PCDHGB3: variants seen among roughly 807,000 people sequenced by gnomAD.
PCDHGB3 encodes protocadherin gamma-B3.
A neutral mutation model predicts 59.2 loss-of-function variants in PCDHGB3; 40 were observed. The ratio of observed to expected loss-of-function variants is 0.68; its 90% CI spans 0.52 to 0.88. PCDHGB3 has a LOEUF of 0.88. PCDHGB3 is among the 40% of genes least tolerant of loss of function. The pLI, the probability that PCDHGB3 is intolerant of heterozygous loss-of-function variation, is 0.00. For missense variants in PCDHGB3, 1,309 were observed against 1,187.9 expected (o/e 1.10, Z -1.50); for synonymous variants, 581 against 503.6 (o/e 1.15, Z -2.06).
chr5:141,431,216 C>A lies in PCDHGB3; in HGVS notation c.2415+58407C>A. On this transcript the variant is annotated intron_variant, in intron 1 of 3. Coordinates refer to ENST00000576222, the MANE Select transcript of PCDHGB3 (RefSeq NM_018924.5). The surrounding 1 kb of genome is among the most constrained non-coding windows in gnomAD (Gnocchi z 4.8). ...AAATGCAGCCACTGAGATGCGGTTC[C>A]CTCTACCCCACGCCTGGGATCCGGA... The A allele has an allele frequency of 6.2e-7, 1 of 1,614,162 alleles. No homozygotes were observed. The highest frequency in any genetic ancestry group is 8.5e-7 in the Non-Finnish European group (1 of 1,180,048).
At chr5:141,417,555 TAGAGA>T (rs926975589) in intron 1 of PCDHGB3, 38 of 335,630 alleles carry the variant, frequency 1.1e-4, no homozygotes, top group Non-Finnish European at 1.5e-4. Context: ...TTGAAAGAGG[TAGAGA>T]AAAGTCAAGT....
chr5:141,384,450 G>T (rs756281053), intron 1 of PCDHGB3: 1 of 1,614,042 alleles, frequency 6.2e-7, no homozygotes, highest in South Asian at 1.1e-5. Context: ...TGTACGCGCT[G>T]CAATCCTTTG....
At chr5:141,409,351 G>A (rs756967611) in intron 1 of PCDHGB3, 7 of 1,613,982 alleles carry the variant, frequency 4.3e-6, no homozygotes, top group Non-Finnish European at 5.9e-6. Flanking sequence ...GAGAAGTCAG[G>A]TGTAATATAG....
chr5:141,371,007 C>A lies in PCDHGB3; in HGVS notation c.613C>A (p.Gln205Lys). Residue 205 changes from glutamine (Q) to lysine (K), a missense_variant, in exon 1 of 4, where the codon CAG becomes AAG. By Grantham distance (53) the Gln-to-Lys change is moderately conservative (BLOSUM62 1). Coordinates refer to ENST00000576222, the MANE Select transcript of PCDHGB3 (RefSeq NM_018924.5). ...VLKAPLDREE[Q>K]PHHHLVLTAV... is the part of the protein sequence containing the mutation. Reference sequence around the variant, plus strand: ...GAAAGCACCCCTGGACAGGGAAGAGCAGCCACATCACCACCTGGTCCTCAC... The same window carrying A: ...GAAAGCACCCCTGGACAGGGAAGAGAAGCCACATCACCACCTGGTCCTCAC... 6.2e-7 allele frequency: 1 copy of A among 1,613,962 alleles called. No homozygotes were observed. The highest frequency in any genetic ancestry group is 1.1e-5 in the South Asian group (1 of 91,084).
chr5:141,463,653 G>A (rs1378583183), intron 1 of PCDHGB3, among the ~76,000 whole-genome samples: 2 of 151,764 alleles, frequency 1.3e-5, no homozygotes, highest in Admixed American at 6.6e-5. Context: ...GGGTTTCACC[G>A]TGTTAGCCAG....
intron 1 of PCDHGB3, among the ~76,000 whole-genome samples, chr5:141,478,999 A>C (rs1220971456): frequency 2.0e-5 from 3 of 152,194 alleles, no homozygotes. Context: ...ATTAAAACTA[A>C]TAGCTTTTTG....
intron 1 of PCDHGB3, among the ~76,000 whole-genome samples, chr5:141,433,397 A>ATCTATCTG (rs1554126017): frequency 5.3e-5 from 8 of 150,410 alleles, no homozygotes; most frequent in Non-Finnish European, 1.2e-4. Context: ...CTATCTATCT[A>ATCTATCTG]TCTATCTATT....
chr5:141,375,966 C>T lies in PCDHGB3; in HGVS notation c.2415+3157C>T, dbSNP rs373365863. ...GGCCTGCACACGGGCGAGGTGCGCACGGCGCGCGCCCTGCTGGACAGAGAC... is the reference window on the plus strand; with the variant it reads ...GGCCTGCACACGGGCGAGGTGCGCATGGCGCGCGCCCTGCTGGACAGAGAC... On this transcript the variant is annotated intron_variant, in intron 1 of 3. Transcript: ENST00000576222. 30 of 1,613,374 alleles carry T rather than the reference C, an allele frequency of 1.9e-5. No individual in the cohort carries two copies. The Admixed American group carries it at 2.3e-4, about 13-fold the overall frequency.
At position 141,409,157 on chromosome 5, in the gene PCDHGB3, G is replaced by C. The variant is rs774813801; in HGVS notation, c.2415+36348G>C. 4 of 1,614,054 alleles carry C rather than the reference G, an allele frequency of 2.5e-6. No homozygotes were observed. In the South Asian group the frequency reaches 4.4e-5, roughly 18 times the overall value. ...AGATGTAGAAAGGTACACCATGGAA[G>C]TGGAAGCGAAGGACGGAGGTGGTCT... On this transcript the variant is annotated intron_variant, in intron 1 of 3. Coordinates refer to ENST00000576222, the MANE Select transcript of PCDHGB3 (RefSeq NM_018924.5).
At chr5:141,508,983 C>T (rs532410967) in intron 3 of PCDHGB3, among the ~76,000 whole-genome samples, 44 of 152,148 alleles carry the variant, frequency 2.9e-4, no homozygotes, top group Non-Finnish European at 4.4e-4. Flanking sequence ...GGGGTGGGGG[C>T]CAGCTGGGGT....
At chr5:141,453,101 TTTTTGTTTTG>T (rs879618609) in intron 1 of PCDHGB3, among the ~76,000 whole-genome samples, 16 of 152,130 alleles carry the variant, frequency 1.1e-4, no homozygotes, top group Middle Eastern at 3.4e-3. Flanking sequence ...TTCTGTTGCT[TTTTTGTTTTG>T]TTTTGTTTTG....
intron 1 of PCDHGB3, among the ~76,000 whole-genome samples, chr5:141,444,357 G>C (rs1258703336): frequency 3.3e-5 from 5 of 151,798 alleles, no homozygotes; most frequent in African/African-American, 9.7e-5. Flanking sequence ...TTTTAGTAGA[G>C]ACGGGGTTTC....
chr5:141,384,754 G>A, intron 1 of PCDHGB3: 1 of 1,614,042 alleles, frequency 6.2e-7, no homozygotes, highest in Non-Finnish European at 8.5e-7. Flanking sequence ...ACTCTTTGCG[G>A]TTGGGCTGTA....
intron 1 of PCDHGB3, among the ~76,000 whole-genome samples, chr5:141,464,436 TTTG>T (rs1043492514): frequency 1.1e-4 from 17 of 151,396 alleles, no homozygotes; most frequent in Non-Finnish European, 1.9e-4. Flanking sequence ...GATATATATG[TTTG>T]TTGTTGTTGT....
intron 1 of PCDHGB3, chr5:141,393,111 C>T (rs762190466): frequency 1.2e-6 from 2 of 1,613,380 alleles, no homozygotes; most frequent in African/African-American, 2.7e-5. Context: ...CGCTCAGAGC[C>T]CGCGGTGTCT....
chr5:141,395,813 A>G (rs1201631661), intron 1 of PCDHGB3: 2 of 152,062 alleles, frequency 1.3e-5, no homozygotes, highest in East Asian at 3.9e-4. Context: ...CAAAACATGA[A>G]CAAACTTTAA....
Position 141,492,511 on chromosome 5 carries a change from C to T in PCDHGB3, c.2416-2296C>T, listed in dbSNP as rs58889912. Among the ~76,000 whole-genome samples the T allele has an allele frequency of 1.7e-3, 262 of 152,326 alleles. 2 individuals are homozygous for T. The highest frequency in any genetic ancestry group is 6.0e-3 in the African/African-American group (249 of 41,582). On this transcript the variant is annotated intron_variant, in intron 1 of 3. Coordinates refer to ENST00000576222, the MANE Select transcript of PCDHGB3 (RefSeq NM_018924.5). Reference sequence around the variant, plus strand: ...CCAGGCGAGGACTCCGGAGCCTCCTCTCACCTCTCCCACCTGCGCCCCGGG... The same window carrying T: ...CCAGGCGAGGACTCCGGAGCCTCCTTTCACCTCTCCCACCTGCGCCCCGGG...
intron 1 of PCDHGB3, chr5:141,428,461 G>A: frequency 2.8e-6 from 1 of 352,014 alleles, no homozygotes; most frequent in South Asian, 2.8e-5. Flanking sequence ...CAACTACAAT[G>A]AGGGAACTTT....
At position 141,371,198 on chromosome 5, in the gene PCDHGB3, C is replaced by T. The variant is rs1262437618; in HGVS notation, c.804C>T (p.Asp268=). The T allele has an allele frequency of 7.7e-5, 124 of 1,613,890 alleles. No individual in the cohort carries two copies. Among genetic ancestry groups the T allele is most frequent in the Non-Finnish European group, 1.0e-4 (123 of 1,179,870 alleles). The change falls in exon 1 of 4, where the codon GAC becomes GAT. Residue 268 remains aspartate, a synonymous_variant. Transcript: ENST00000576222. Reference sequence around the variant, plus strand: ...CCGTATTAAAAGTGATGGCCATTGACATGGATGAGGGCATCAATGCCGAAA... The same window carrying T: ...CCGTATTAAAAGTGATGGCCATTGATATGGATGAGGGCATCAATGCCGAAA... ...GSSVLKVMAI[D]MDEGINAEII...
Sources: allele counts gnomAD v4.1 joint callset (sites outside exome capture counted in the v4.1 genomes callset), GRCh38; gene constraint gnomAD v4.1.1; non-coding constraint Gnocchi (gnomAD v3.1); transcripts MANE v1.5; gene names NCBI Gene and HGNC (gene_info 2026-07-23, HGNC 2026-07-21).